The following KCND3 variants were observed in gnomAD, a reference collection of about 807,000 sequenced individuals.
KCND3 encodes A-type voltage-gated potassium channel KCND3.
A neutral mutation model predicts 51.1 loss-of-function variants in KCND3; 9 were observed. That is an observed-to-expected ratio of 0.18 (90% CI 0.11 to 0.31). KCND3 has a LOEUF of 0.31. KCND3 is among the 10% of genes least tolerant of loss of function. The pLI is 1.00. For missense variants in KCND3, 526 were observed against 903.8 expected (o/e 0.58, Z 5.36); for synonymous variants, 349 against 368.0 (o/e 0.95, Z 0.59).
chr1:111,921,199 A>T (rs967967091), intron 2 of KCND3, among the ~76,000 whole-genome samples: 3 of 152,202 alleles, frequency 2.0e-5, no homozygotes, highest in African/African-American at 7.2e-5. Flanking sequence ...TTAACTCTGT[A>T]AACCAATTGA....
chr1:111,988,471 C>T (rs1675416195), intron 1 of KCND3, among the ~76,000 whole-genome samples: 2 of 152,032 alleles, frequency 1.3e-5, no homozygotes, highest in African/African-American at 4.8e-5. Context: ...CAAGTAGAGA[C>T]GAGGAAAAAA....
chr1:111,803,959 A>G (rs1327923142), intron 2 of KCND3, among the ~76,000 whole-genome samples: 1 of 152,172 alleles, frequency 6.6e-6, no homozygotes, highest in African/African-American at 2.4e-5. Flanking sequence ...CATCTTGCCA[A>G]CTAGATTCTT....
At chr1:111,893,937 C>G (rs1669978075) in intron 2 of KCND3, among the ~76,000 whole-genome samples, 2 of 152,104 alleles carry the variant, frequency 1.3e-5, no homozygotes, top group Non-Finnish European at 2.9e-5. Context: ...AAGGTCCATG[C>G]CCCCATCACT....
At chr1:111,895,800 C>T (rs1670081214) in intron 2 of KCND3, among the ~76,000 whole-genome samples, 2 of 152,250 alleles carry the variant, frequency 1.3e-5, no homozygotes, top group Non-Finnish European at 2.9e-5. Context: ...GCTGCCAGCT[C>T]TTCCCGGGGC....
intron 2 of KCND3, among the ~76,000 whole-genome samples, chr1:111,930,307 C>T (rs1039809831): frequency 6.6e-6 from 1 of 152,178 alleles, no homozygotes; most frequent in African/African-American, 2.4e-5. Context: ...GTCTCATATA[C>T]TGCACAGAGT....
chr1:111,791,561 C>A (rs1407664382), intron 2 of KCND3, among the ~76,000 whole-genome samples: 1 of 152,226 alleles, frequency 6.6e-6, no homozygotes, highest in East Asian at 1.9e-4. Flanking sequence ...CTGTTCCATC[C>A]TTCCTTTGAC....
chr1:111,893,704 C>T (rs866199097), intron 2 of KCND3, among the ~76,000 whole-genome samples: 1 of 151,192 alleles, frequency 6.6e-6, no homozygotes, highest in Non-Finnish European at 1.5e-5. Context: ...GGTGAACAAC[C>T]CAGGGCCCAA....
At chr1:111,895,051 G>C (rs965399727) in intron 2 of KCND3, among the ~76,000 whole-genome samples, 1 of 150,462 alleles carries the variant, frequency 6.6e-6, no homozygotes, top group Non-Finnish European at 1.5e-5. Flanking sequence ...TGTGGAGAGG[G>C]AGAGGAAGCA....
chr1:111,881,604 TCAG>T (rs1412684725), intron 2 of KCND3, among the ~76,000 whole-genome samples: 5 of 152,212 alleles, frequency 3.3e-5, no homozygotes, highest in African/African-American at 7.2e-5. Context: ...GAGAAGTCAC[TCAG>T]CAGCCACCTC....
At chr1:111,816,841 A>C (rs1666112044) in intron 2 of KCND3, among the ~76,000 whole-genome samples, 2 of 152,328 alleles carry the variant, frequency 1.3e-5, no homozygotes, top group Middle Eastern at 3.4e-3. Flanking sequence ...AAGTGAAATA[A>C]CTACATGCCA....
chr1:111,934,855 A>G (rs753093105), intron 2 of KCND3, among the ~76,000 whole-genome samples: 19 of 152,190 alleles, frequency 1.2e-4, no homozygotes, highest in Non-Finnish European at 2.5e-4. Flanking sequence ...GGAGATACTA[A>G]TAGTATCTAA....
rs1010127956 is a variant in KCND3, at chr1:111,771,903, G to C, written c.*4174C>G. On this transcript the variant is annotated 3_prime_UTR_variant, in exon 8 of 8. Transcript: ENST00000302127. ...TAGGAGATGAAGGAGAAATAGTACA[G>C]AGTTTGTTTCCAGAGATCTTGGTTC... is the stretch of plus-strand genomic sequence containing the variant. 1.3e-5 allele frequency: 2 copies of C among 152,094 alleles called. No homozygotes were observed. Among genetic ancestry groups the C allele is most frequent in the African/African-American group, 4.8e-5 (2 of 41,408 alleles). 9.4% of individuals were successfully genotyped at this position (152,094 alleles called of 1,614,324 possible).
chr1:111,948,408 G>A (rs1055412590), intron 2 of KCND3, among the ~76,000 whole-genome samples: 8 of 152,240 alleles, frequency 5.3e-5, no homozygotes, highest in Admixed American at 2.6e-4. Context: ...GCGTAGGGAG[G>A]CGGCAGCCCT....
intron 2 of KCND3, among the ~76,000 whole-genome samples, chr1:111,813,189 C>T (rs1665934460): frequency 6.6e-6 from 1 of 152,036 alleles, no homozygotes; most frequent in Non-Finnish European, 1.5e-5. Context: ...CACAGGGGCC[C>T]CCAGATCACT....
At chr1:111,855,521 G>T (rs1668025306) in intron 2 of KCND3, among the ~76,000 whole-genome samples, 1 of 152,186 alleles carries the variant, frequency 6.6e-6, no homozygotes, top group Admixed American at 6.5e-5. Context: ...GCCTGAGAAG[G>T]CTGTGGAGGG....
chr1:111,953,107 G>A (rs1434533028), intron 2 of KCND3, among the ~76,000 whole-genome samples: 1 of 152,052 alleles, frequency 6.6e-6, no homozygotes. Flanking sequence ...ATGTCACAAA[G>A]CTGGCATAAC....
chr1:111,822,216 C>CG (rs1666383507), intron 2 of KCND3, among the ~76,000 whole-genome samples: 1 of 151,796 alleles, frequency 6.6e-6, no homozygotes, highest in Non-Finnish European at 1.5e-5. Flanking sequence ...AATTTTTTAA[C>CG]TGTAGTAAGA....
intron 3 of KCND3, among the ~76,000 whole-genome samples, chr1:111,783,459 C>G (rs1355021752): frequency 4.6e-5 from 7 of 152,176 alleles, no homozygotes; most frequent in Admixed American, 1.3e-4. Flanking sequence ...TGCTGCTACC[C>G]TAGGTACAGT....
chr1:111,897,908 G>A (rs1202656961), intron 2 of KCND3, among the ~76,000 whole-genome samples: 1 of 152,162 alleles, frequency 6.6e-6, no homozygotes, highest in African/African-American at 2.4e-5. Context: ...ATATGCCTTA[G>A]GCCACCAAAT....
Sources: allele counts gnomAD v4.1 joint callset (sites outside exome capture counted in the v4.1 genomes callset), GRCh38; gene constraint gnomAD v4.1.1; transcripts MANE v1.5; gene names NCBI Gene and HGNC (gene_info 2026-07-23, HGNC 2026-07-21).